Variants in PKHD1 observed in about 807,000 individuals in gnomAD.
PKHD1 encodes the protein fibrocystin.
A neutral mutation model predicts 412.0 loss-of-function variants in PKHD1; 291 were observed. The ratio of observed to expected loss-of-function variants is 0.71; its 90% confidence interval spans 0.64 to 0.78. The LOEUF (loss-of-function observed/expected upper bound fraction) is 0.78. Ranked by LOEUF, PKHD1 falls within the 30% of genes least tolerant of loss-of-function variation. PKHD1 has a pLI of 0.00. For missense variants in PKHD1, 4,825 were observed against 4,950.7 expected, an observed-to-expected ratio of 0.97 and a Z score of 0.76; for synonymous variants, 1,777 against 1,821.5, an observed-to-expected ratio of 0.98 and a Z score of 0.62.
chr6:51,649,008 G>A, intron 62 of PKHD1, 77 bp downstream of exon 62: 1 of 1,375,646 alleles, frequency 7.3e-7, no homozygotes, highest in Admixed American at 1.7e-5. Flanking sequence ...TATCAATGAT[G>A]ACACACTCTA....
intron 35 of PKHD1, among the ~76,000 whole-genome samples, chr6:51,973,872 G>C (rs1794004992): frequency 6.6e-6 from 1 of 152,130 alleles, no homozygotes; most frequent in South Asian, 2.1e-4. Context: ...CTGTGTTATA[G>C]TTCAGGGATA....
At chr6:51,830,209 T>C (rs1768011948) in intron 52 of PKHD1, among the ~76,000 whole-genome samples, 1 of 152,130 alleles carries the variant, frequency 6.6e-6, no homozygotes, top group Non-Finnish European at 1.5e-5. Flanking sequence ...AAAAACATTT[T>C]CTTCTCAGGC....
At chr6:52,066,800 T>C (rs1408637584) in intron 11 of PKHD1, among the ~76,000 whole-genome samples, 1 of 152,078 alleles carries the variant, frequency 6.6e-6, no homozygotes. Context: ...CTTGGGAGGC[T>C]GAGACAGGAG....
intron 35 of PKHD1, among the ~76,000 whole-genome samples, chr6:51,966,967 T>C (rs2127977763): frequency 6.6e-6 from 1 of 151,908 alleles, no homozygotes; most frequent in Non-Finnish European, 1.5e-5. Context: ...AGCCAGAGGC[T>C]ATCAAAGGAG....
chr6:51,785,522 T>C (rs1311746919), intron 53 of PKHD1, among the ~76,000 whole-genome samples: 1 of 152,204 alleles, frequency 6.6e-6, no homozygotes, highest in Non-Finnish European at 1.5e-5. Context: ...GTGTCAAAAC[T>C]GTATTTATCA....
intron 35 of PKHD1, among the ~76,000 whole-genome samples, chr6:52,008,874 C>T (rs1463912149): frequency 6.6e-6 from 1 of 152,152 alleles, no homozygotes; most frequent in Non-Finnish European, 1.5e-5. Context: ...AAAGTCCATG[C>T]ACTTAAACAC....
intron 49 of PKHD1, among the ~76,000 whole-genome samples, chr6:51,851,755 T>TC (rs1330308880): frequency 6.6e-6 from 1 of 152,284 alleles, no homozygotes; most frequent in East Asian, 1.9e-4. Flanking sequence ...AGTGGTGATA[T>TC]CCCTTTTATC....
rs140375520 is a variant in PKHD1 at position 51,713,977 on chromosome 6, C to T, written c.10156+30408G>A. ...ACAATTCCTGTCTATCTGTAAACTC[C>T]TTAGTGGTGCTTTAAAGAAAAATTC... On this transcript the variant is annotated intron_variant, in intron 60 of 66. Transcript: ENST00000371117. Among the ~76,000 whole-genome samples the T allele has an allele frequency of 4.9e-3, 743 of 152,182 alleles. 9 individuals carry two copies. Among genetic ancestry groups the T allele is most frequent in the African/African-American group, 0.017 (707 of 41,520 alleles).
At chr6:52,028,519 A>AAT (rs1802570427) in intron 29 of PKHD1, among the ~76,000 whole-genome samples, 168 bp from the exon 30 acceptor site, 1 of 143,842 alleles carries the variant, frequency 7.0e-6, no homozygotes, top group Non-Finnish European at 1.5e-5. Context: ...TCTAACAACT[A>AAT]TTTTTTTTTT....
At chr6:51,718,038 G>T (rs1440218871) in intron 60 of PKHD1, among the ~76,000 whole-genome samples, 1 of 152,166 alleles carries the variant, frequency 6.6e-6, no homozygotes, top group Non-Finnish European at 1.5e-5. Flanking sequence ...TTGCTAAATG[G>T]TTTTATTCTA....
intron 24 of PKHD1, among the ~76,000 whole-genome samples, 165 bp downstream of exon 24, chr6:52,045,839 G>A (rs1249834517): frequency 1.3e-5 from 2 of 152,134 alleles, no homozygotes; most frequent in Non-Finnish European, 2.9e-5. Context: ...TACAAAATAT[G>A]TGTTGAAAAC....
At chr6:51,786,277 T>C (rs1792841532) in intron 53 of PKHD1, among the ~76,000 whole-genome samples, 1 of 152,120 alleles carries the variant, frequency 6.6e-6, no homozygotes, top group South Asian at 2.1e-4. Flanking sequence ...TAGTGATTTT[T>C]ACCTCCTCAA....
chr6:52,062,292 A>T (rs1808794932), intron 14 of PKHD1, among the ~76,000 whole-genome samples: 1 of 152,250 alleles, frequency 6.6e-6, no homozygotes, highest in African/African-American at 2.4e-5. Context: ...TCCAAAACAG[A>T]TTGTAAACTA....
At chr6:51,787,931 G>C (rs925823130) in intron 53 of PKHD1, among the ~76,000 whole-genome samples, 5 of 152,152 alleles carry the variant, frequency 3.3e-5, no homozygotes, top group African/African-American at 9.7e-5. Context: ...GGGCTCAACT[G>C]TATTTAATAT....
intron 55 of PKHD1, among the ~76,000 whole-genome samples, chr6:51,772,000 T>C (rs549765395): frequency 3.3e-4 from 51 of 152,256 alleles, no homozygotes; most frequent in African/African-American, 1.2e-3. Flanking sequence ...CCATCCTTGA[T>C]ATTAATCTTT....
At chr6:51,679,793 C>G (rs1776386090) in intron 60 of PKHD1, among the ~76,000 whole-genome samples, 1 of 152,030 alleles carries the variant, frequency 6.6e-6, no homozygotes, top group South Asian at 2.1e-4. Flanking sequence ...CAAAAAATCT[C>G]TACACAAGTT....
In PKHD1 at chr6:51,772,566, C is replaced by A. The variant is rs889098908; in HGVS notation, c.8642+136G>T. On this transcript the variant is annotated intron_variant, in intron 55 of 66. Transcript: ENST00000371117. ...AGATATTTTTTAAATTCCCTATAAT[C>A]GCTTATTTTTCTACTTGCTCATCCT... 2.6e-5 allele frequency: 14 copies of A among 547,028 alleles called. No homozygotes were observed. The East Asian group carries it at 2.9e-4, about 11-fold the overall frequency. The allele number at this position is 547,028 out of a possible 1,614,324, so 33.9% of individuals were successfully genotyped here. A position where few individuals can be genotyped will look rare whatever the true frequency, so the allele number is the denominator to read the frequency against.
At position 51,627,499 on chromosome 6, in the gene PKHD1, C is replaced by T. The variant is rs144592906; in HGVS notation, c.11666-383G>A. ...CTTGATATATTATGTTAAATGGCTA[C>T]TAGAGAATTACATATGTGCCTTGCA... On this transcript the variant is annotated intron_variant, in intron 65 of 66. Coordinates refer to ENST00000371117, the MANE Select transcript of PKHD1 (RefSeq NM_138694.4). 3.3e-5 allele frequency among the ~76,000 whole-genome samples: 5 copies of T among 151,914 alleles called. No homozygotes were observed. The East Asian group carries it at 7.7e-4, about 24-fold the overall frequency.
chr6:51,903,973 T>G lies in PKHD1; in HGVS notation c.6865+13A>C. ...TACACTGTAATAGATTTAAAATCAA[T>G]TTACATATTTACCATCTTTCCTTCC... On this transcript the variant is annotated intron_variant, in intron 42 of 66. Coordinates refer to ENST00000371117, the MANE Select transcript of PKHD1 (RefSeq NM_138694.4). 1 of 1,518,264 alleles carries G rather than the reference T, an allele frequency of 6.6e-7. No individual in the cohort carries two copies. The highest frequency in any genetic ancestry group is 9.1e-7 in the Non-Finnish European group (1 of 1,093,160). The allele number at this position is 1,518,264 out of a possible 1,614,324, so 94.0% of individuals were successfully genotyped here. A position where few individuals can be genotyped will look rare whatever the true frequency, so the allele number is the denominator to read the frequency against.
Sources: allele counts gnomAD v4.1 joint callset (sites outside exome capture counted in the v4.1 genomes callset), GRCh38; gene constraint gnomAD v4.1.1; transcripts MANE v1.5; gene names NCBI Gene and HGNC (gene_info 2026-07-23, HGNC 2026-07-21).